The following ATP8B4 variants were observed in gnomAD, a reference collection of about 807,000 sequenced individuals.
ATP8B4 encodes probable phospholipid-transporting ATPase IM.
A neutral mutation model predicts 145.6 loss-of-function variants in ATP8B4; 133 were observed. The observed-to-expected ratio is 0.91, with a 90% CI of 0.79 to 1.05. ATP8B4 has a LOEUF of 1.05. Among genes scored for constraint, ATP8B4 ranks in the 50% least tolerant of loss-of-function variants. The pLI, the probability that ATP8B4 is intolerant of heterozygous loss-of-function variation, is 0.00. For missense variants in ATP8B4, 1,458 were observed against 1,425.2 expected (o/e 1.02, Z -0.37); for synonymous variants, 507 against 492.9 (o/e 1.03, Z -0.38).
intron 9 of ATP8B4, among the ~76,000 whole-genome samples, chr15:49,994,050 A>C (rs144726992): frequency 8.3e-4 from 126 of 152,312 alleles, no homozygotes; most frequent in African/African-American, 3.0e-3. Flanking sequence ...TATATAAGCA[A>C]GTCCTTTAAC....
intron 9 of ATP8B4, among the ~76,000 whole-genome samples, chr15:49,990,048 A>G (rs2046929447): frequency 6.6e-6 from 1 of 152,218 alleles, no homozygotes; most frequent in African/African-American, 2.4e-5. Context: ...GTATATTTCC[A>G]TGATAGTAAT....
At chr15:49,873,204 C>T (rs1321207418) in intron 25 of ATP8B4, among the ~76,000 whole-genome samples, 2 of 152,288 alleles carry the variant, frequency 1.3e-5, no homozygotes, top group South Asian at 4.1e-4. Flanking sequence ...ATGATACAAT[C>T]TATTTGGAAA....
intron 20 of ATP8B4, among the ~76,000 whole-genome samples, chr15:49,908,629 C>G (rs1470107820): frequency 2.6e-5 from 4 of 152,096 alleles, no homozygotes; most frequent in Non-Finnish European, 4.4e-5. Flanking sequence ...CACACTGGGT[C>G]CCACATACCA....
intron 13 of ATP8B4, among the ~76,000 whole-genome samples, chr15:49,965,793 C>T (rs2044476940): frequency 6.6e-6 from 1 of 152,094 alleles, no homozygotes; most frequent in Non-Finnish European, 1.5e-5. Flanking sequence ...CTATTCAGCA[C>T]TACAAAACAG....
At chr15:49,996,825 A>C (rs1380089174) in intron 8 of ATP8B4, 66 bp from the exon 9 acceptor site, 1 of 1,310,452 alleles carries the variant, frequency 7.6e-7, no homozygotes, top group African/African-American at 1.5e-5. Flanking sequence ...TACCAAAGCA[A>C]TCAGGTGGGT....
Position 50,146,698 on chromosome 15 carries a change from T to C in ATP8B4, c.-43+35563A>G, listed in dbSNP as rs554265796. Among the ~76,000 whole-genome samples, 11 of 152,296 alleles carry C rather than the reference T, an allele frequency of 7.2e-5. No individual in the cohort carries two copies. The South Asian group carries it at 2.3e-3, about 32-fold the overall frequency. Reference sequence around the variant, plus strand: ...CTTTTCCGTCCCATGGTCACCAACATTTAGGCTCATAGATGGTTTGAAGCG... The same window carrying C: ...CTTTTCCGTCCCATGGTCACCAACACTTAGGCTCATAGATGGTTTGAAGCG... On this transcript the variant is annotated intron_variant, in intron 1 of 3. Transcript: ENST00000558829.
At chr15:50,161,278 C>T (rs1567413305) in intron 1 of ATP8B4, among the ~76,000 whole-genome samples, 1 of 151,956 alleles carries the variant, frequency 6.6e-6, no homozygotes, top group South Asian at 2.1e-4. Context: ...AAGTGTGTTT[C>T]TTGTAAGCAA....
chr15:50,178,351 C>A (rs2044794129), intron 1 of ATP8B4, among the ~76,000 whole-genome samples: 1 of 152,118 alleles, frequency 6.6e-6, no homozygotes, highest in Admixed American at 6.6e-5. Context: ...ACATCAAAGT[C>A]CAAGATCTGG....
At chr15:50,053,314 G>T (rs900693284) in intron 3 of ATP8B4, among the ~76,000 whole-genome samples, 5 of 152,178 alleles carry the variant, frequency 3.3e-5, no homozygotes, top group African/African-American at 1.2e-4. Context: ...GCCAGGATTT[G>T]GATCTAGCAA....
chr15:49,894,672 C>T (rs2037197014), intron 23 of ATP8B4, among the ~76,000 whole-genome samples: 1 of 152,168 alleles, frequency 6.6e-6, no homozygotes, highest in Non-Finnish European at 1.5e-5. Context: ...GATCTTAAGA[C>T]CCTGAGCCCC....
intron 23 of ATP8B4, among the ~76,000 whole-genome samples, chr15:49,881,649 T>C (rs1174916078): frequency 6.6e-6 from 1 of 152,154 alleles, no homozygotes. Context: ...AGTAGTCCAC[T>C]AGTCAGGCAA....
intron 20 of ATP8B4, among the ~76,000 whole-genome samples, chr15:49,906,300 G>A (rs553475219): frequency 3.3e-5 from 5 of 152,142 alleles, no homozygotes; most frequent in South Asian, 2.1e-4. Flanking sequence ...AAAACTATGC[G>A]TATGTGTAAT....
chr15:49,947,082 G>A (rs916832693), intron 14 of ATP8B4, among the ~76,000 whole-genome samples: 15 of 152,152 alleles, frequency 9.9e-5, no homozygotes, highest in Admixed American at 4.6e-4. Context: ...CTGCTCTGGC[G>A]CTGGAGCCCC....
At chr15:50,173,116 T>A (rs537766076) in intron 1 of ATP8B4, among the ~76,000 whole-genome samples, 1 of 147,528 alleles carries the variant, frequency 6.8e-6, no homozygotes, top group Admixed American at 6.7e-5. Flanking sequence ...GTCTGGGAGG[T>A]GGGGGGCGCC....
chr15:50,156,991 A>G lies in ATP8B4; in HGVS notation c.-43+25270T>C, dbSNP rs569107190. On this transcript the variant is annotated intron_variant, in intron 1 of 3. Transcript: ENST00000558829. ...AGAAACAAGCAAGGGAAAGAGCCAA[A>G]TCACTTAAATATCCAGACCAAAATG... Among the ~76,000 whole-genome samples, 3 of 152,206 alleles carry G rather than the reference A, an allele frequency of 2.0e-5. No homozygotes were observed. The South Asian group carries it at 6.2e-4, about 32-fold the overall frequency.
At chr15:50,120,111 G>T (rs141833126), upstream of ATP8B4, among the ~76,000 whole-genome samples, 772 of 152,166 alleles carry the variant, frequency 5.1e-3, 3 homozygotes, top group Admixed American at 8.3e-3. Flanking sequence ...CATCAGATTT[G>T]CCAGTTAAGT....
intron 16 of ATP8B4, among the ~76,000 whole-genome samples, chr15:49,929,162 T>C (rs1331317395): frequency 1.3e-5 from 2 of 152,126 alleles, no homozygotes; most frequent in Non-Finnish European, 1.5e-5. Flanking sequence ...TGAGCTATAA[T>C]AGGCCTTAAA....
intron 14 of ATP8B4, among the ~76,000 whole-genome samples, chr15:49,954,980 G>A (rs1314099093): frequency 1.3e-5 from 2 of 152,204 alleles, no homozygotes; most frequent in Non-Finnish European, 2.9e-5. Context: ...ACACTATGCA[G>A]TACTATGCAG....
At chr15:49,951,000 G>T (rs1020539980) in intron 14 of ATP8B4, among the ~76,000 whole-genome samples, 2 of 152,164 alleles carry the variant, frequency 1.3e-5, no homozygotes, top group African/African-American at 4.8e-5. Context: ...ATGAAATTGT[G>T]TCATTTTGAG....
Sources: gnomAD v4.1 joint callset for allele counts (sites outside exome capture counted in the v4.1 genomes callset) on GRCh38, gnomAD v4.1.1 for gene constraint, MANE v1.5 for transcripts, NCBI Gene and HGNC (gene_info 2026-07-23, HGNC 2026-07-21) for gene names.